The following DICER1 variants were observed in gnomAD, a reference collection of about 807,000 sequenced individuals.
DICER1 encodes endoribonuclease Dicer.
Under a neutral mutation model 194.1 loss-of-function variants are expected in DICER1, and 43 were observed. The observed-to-expected ratio is 0.22, with a 90% confidence interval of 0.17 to 0.29. The LOEUF (loss-of-function observed/expected upper bound fraction) is 0.29. Ranked by LOEUF, DICER1 falls within the 10% of genes least tolerant of loss-of-function variation. The pLI is 1.00. For synonymous variants in DICER1, 832 were observed against 820.5 expected, an observed-to-expected ratio of 1.01 and a Z score of -0.24; for missense variants, 1,608 against 2,317.0, an observed-to-expected ratio of 0.69 and a Z score of 6.28.
intron 1 of DICER1, among the ~76,000 whole-genome samples, chr14:95,145,098 A>C (rs1895048893): frequency 1.3e-5 from 2 of 152,236 alleles, no homozygotes; most frequent in African/African-American, 2.4e-5. Flanking sequence ...GAGCCTCTAA[A>C]TCTAAGTGTT....
chr14:95,110,727 T>C (rs916260920), intron 14 of DICER1, among the ~76,000 whole-genome samples: 1 of 152,116 alleles, frequency 6.6e-6, no homozygotes, highest in African/African-American at 2.4e-5. Context: ...TTCAGCCAAG[T>C]TTGTCTATTA....
At chr14:95,131,470 G>C in intron 4 of DICER1, 39 bp downstream of exon 4, 1 of 1,595,890 alleles carries the variant, frequency 6.3e-7, no homozygotes, top group African/African-American at 1.3e-5. Flanking sequence ...TCAAGAACTT[G>C]TAGGGATTTA....
intron 1 of DICER1, among the ~76,000 whole-genome samples, chr14:95,141,527 C>T (rs1376154296): frequency 6.6e-6 from 1 of 152,174 alleles, no homozygotes; most frequent in Non-Finnish European, 1.5e-5. Context: ...TCAGGAAAAA[C>T]AAATTGGCAG....
rs756159471 is a variant in DICER1, at chr14:95,089,569, G to A, written c.*929C>T. The A allele has an allele frequency of 2.1e-4, 49 of 231,820 alleles. No homozygotes were observed. Among genetic ancestry groups the A allele is most frequent in the African/African-American group, 1.1e-3 (49 of 45,236 alleles). 14.4% of individuals were successfully genotyped at this position (231,820 alleles called of 1,614,324 possible). A position where few individuals can be genotyped will look rare whatever the true frequency, so the allele number is the denominator to read the frequency against. ...CATCAGTGGGAACTACCTGGCAGGA[G>A]GACTTTAGTAAAATGGGGTGTTTAG... is the stretch of plus-strand genomic sequence containing the variant. On this transcript the variant is annotated 3_prime_UTR_variant, in exon 27 of 27. Transcript: ENST00000343455.
rs1060504981 is a variant in DICER1, at chr14:95,091,303, C to A, written c.5427G>T (p.Gly1809=). 1.2e-6 allele frequency: 2 copies of A among 1,613,934 alleles called. No individual in the cohort carries two copies. The highest frequency in any genetic ancestry group is 2.7e-5 in the African/African-American group (2 of 74,886). ...CACCAGCAAGCGACTCAAAAATATC[C>A]CCCATGGCCTTTGGAACTTCAATAT... ...EEDIEVPKAM[G]DIFESLAGAI... The change falls in exon 25 of 27, where the codon GGG becomes GGT. Residue 1809 remains glycine, a synonymous_variant. Coordinates refer to ENST00000343455, the MANE Select transcript of DICER1 (RefSeq NM_177438.3).
intron 1 of DICER1, among the ~76,000 whole-genome samples, chr14:95,156,581 T>C (rs1485145813): frequency 6.6e-6 from 1 of 152,246 alleles, no homozygotes; most frequent in Non-Finnish European, 1.5e-5. Flanking sequence ...AAACATACAC[T>C]GATTTCCCCA....
chr14:95,091,171 G>GT (rs759659916), intron 25 of DICER1, 32 bp downstream of exon 25: 8 of 1,613,910 alleles, frequency 5.0e-6, no homozygotes, highest in Admixed American at 1.7e-5. Context: ...AATTTTGTGG[G>GT]TTTTTTTCTT....
intron 1 of DICER1, among the ~76,000 whole-genome samples, chr14:95,151,664 C>T (rs531564400): frequency 6.6e-6 from 1 of 152,228 alleles, no homozygotes; most frequent in Non-Finnish European, 1.5e-5. Flanking sequence ...CTTAAGCATC[C>T]CTACAAAGCT....
rs1195336111 is a variant in DICER1 at position 95,126,696 on chromosome 14, T to G, written c.787A>C (p.Arg263=). ...AGCAGTCTTTCATAAAGCCCACTTC[T>G]GTCAGTAAATGGTCCACAATCCACC... ...IVVDCGPFTD[R]SGLYERLLME... Residue 263 remains arginine (R), a synonymous_variant, in exon 7 of 27, where the codon AGA becomes CGA. Transcript: ENST00000343455. 1 of 1,609,552 alleles carries G rather than the reference T, an allele frequency of 6.2e-7. No homozygotes were observed. The highest frequency in any genetic ancestry group is 8.5e-7 in the Non-Finnish European group (1 of 1,176,002).
chr14:95,155,578 C>T (rs772627180), intron 1 of DICER1, among the ~76,000 whole-genome samples: 5 of 124,896 alleles, frequency 4.0e-5, no homozygotes, highest in Non-Finnish European at 6.3e-5. Context: ...CATTGAGCCA[C>T]GGGCAAAATA....
chr14:95,142,519 G>A (rs1365844266), intron 1 of DICER1, among the ~76,000 whole-genome samples: 1 of 152,134 alleles, frequency 6.6e-6, no homozygotes, highest in Admixed American at 6.5e-5. Flanking sequence ...AAATTACTAA[G>A]TTGATAATCC....
rs752905540 is a variant in DICER1 at position 95,106,156 on chromosome 14, T to C, written c.2872A>G (p.Ser958Gly). The C allele has an allele frequency of 2.0e-5, 32 of 1,614,000 alleles. No individual in the cohort carries two copies. The highest frequency in any genetic ancestry group is 2.5e-5 in the Non-Finnish European group (30 of 1,179,958). ...ADVYTDLTPL[S>G]KFPSPEYETF... ...TCATACTCAGGGGAAGGAAATTTAC[T>C]GAGTGGGGTAAGATCAGTGTACACA... The change falls in exon 18 of 27, where the codon AGT (serine) becomes GGT (glycine). Residue 958 changes from serine to glycine, a missense_variant. By Grantham distance (56) the Ser-to-Gly change is moderately conservative (BLOSUM62 0). This residue lies in a region of DICER1 where 150 missense variants were observed against 216.0 expected (regional missense o/e 0.69). Transcript: ENST00000343455.
In DICER1 at chr14:95,099,893, G is replaced by T. The variant is rs1250570322; in HGVS notation, c.4093C>A (p.Leu1365Ile). The part of the protein sequence containing the change: ...NLYRLGKKKG[L>I]PSRMVVSIFD... ...ATTGACACCACCATGCGGCTGGGTA[G>T]TCCCTTCTTTTTTCCAAGGCGATAC... The change falls in exon 22 of 27, where the codon CTA (leucine) becomes ATA (isoleucine). Residue 1365 changes from leucine to isoleucine, a missense_variant. Around this residue, in one of 10 missense-constraint regions of DICER1, gnomAD observed 58 missense variants for 125.7 expected, o/e 0.46. Coordinates refer to ENST00000343455, the MANE Select transcript of DICER1 (RefSeq NM_177438.3). 3.7e-6 allele frequency: 6 copies of T among 1,613,890 alleles called. No individual in the cohort carries two copies. The highest frequency in any genetic ancestry group is 4.2e-6 in the Non-Finnish European group (5 of 1,179,958).
Position 95,131,535 on chromosome 14 carries a change from A to C in DICER1, c.412T>G (p.Trp138Gly). The C allele has an allele frequency of 2.5e-6, 4 of 1,613,724 alleles. No individual in the cohort carries two copies. Among genetic ancestry groups the C allele is most frequent in the Non-Finnish European group, 3.4e-6 (4 of 1,179,646 alleles). The change falls in exon 4 of 27, where the codon TGG becomes GGG. Residue 138 changes from tryptophan (W) to glycine (G), a missense_variant. Transcript: ENST00000343455. ...EVNASWTKERWNQEFTKHQVL... is the reference protein window; with the variant it reads ...EVNASWTKERGNQEFTKHQVL... ...TGGTGCTTAGTAAACTCTTGGTTCC[A>C]TCTCTCTTTTGTCCAAGATGCATTT...
intron 1 of DICER1, among the ~76,000 whole-genome samples, chr14:95,138,982 TAAATAAAAAAATA>T (rs1894636618): frequency 1.3e-5 from 1 of 76,154 alleles, no homozygotes; most frequent in Admixed American, 1.5e-4. Context: ...AAAATAAAAA[TAAATAAAAAAATA>T]AAAAAAAAAA....
At chr14:95,145,970 T>A (rs996206454) in intron 1 of DICER1, among the ~76,000 whole-genome samples, 7 of 152,224 alleles carry the variant, frequency 4.6e-5, no homozygotes, top group Admixed American at 4.6e-4. Context: ...GCCACCAATT[T>A]ACATGTCTAA....
intron 11 of DICER1, among the ~76,000 whole-genome samples, 161 bp downstream of exon 11, chr14:95,115,506 T>TA (rs897664270): frequency 1.1e-4 from 16 of 151,286 alleles, no homozygotes; most frequent in South Asian, 2.1e-4. Flanking sequence ...CCTTTTGATT[T>TA]AAAAAAAAAT....
At chr14:95,146,170 A>G (rs1895121308) in intron 1 of DICER1, among the ~76,000 whole-genome samples, 1 of 152,266 alleles carries the variant, frequency 6.6e-6, no homozygotes, top group South Asian at 2.1e-4. Context: ...AAGACAGTTT[A>G]AAGCCTGAAG....
intron 21 of DICER1, among the ~76,000 whole-genome samples, chr14:95,101,812 T>C (rs1890902724): frequency 6.6e-6 from 1 of 152,200 alleles, no homozygotes; most frequent in Non-Finnish European, 1.5e-5. Context: ...GTGTTGTCTC[T>C]TTCCCAGAGG....
Sources: allele counts gnomAD v4.1 joint callset (sites outside exome capture counted in the v4.1 genomes callset), GRCh38; gene constraint gnomAD v4.1.1; regional missense constraint gnomAD v4.1.1; transcripts MANE v1.5; gene names NCBI Gene and HGNC (gene_info 2026-07-23, HGNC 2026-07-21).